Variants in FAF1 observed in about 807,000 individuals in gnomAD.
FAF1 encodes the protein Fas associated factor 1, also known as FAS-associated factor 1.
A neutral mutation model predicts 92.5 loss-of-function variants in FAF1; 25 were observed. The ratio of observed to expected loss-of-function variants is 0.27; its 90% CI spans 0.20 to 0.38. FAF1 has a LOEUF of 0.38. Among genes scored for constraint, FAF1 ranks in the 10% least tolerant of loss-of-function variants. The probability of loss-of-function intolerance (pLI) is 1.00; values close to 1 mark genes in which losing one functional copy is unlikely to be tolerated. For synonymous variants in FAF1, 234 were observed against 273.2 expected (o/e 0.86, Z 1.42); for missense variants, 636 against 793.3 (o/e 0.80, Z 2.38).
intron 13 of FAF1, among the ~76,000 whole-genome samples, chr1:50,556,686 A>C (rs1180817872): frequency 1.3e-5 from 2 of 151,792 alleles, no homozygotes; most frequent in African/African-American, 2.4e-5. Flanking sequence ...AAGATACAAA[A>C]ATTAGCTGGA....
rs772614423 is a variant in FAF1, at chr1:50,475,647, A to T, written c.1686T>A (p.Pro562=). Residue 562 remains proline, a synonymous_variant, in exon 18 of 19, where the codon CCT becomes CCA. Transcript: ENST00000396153. ...AIRLSLEQAL[P]PEPKEENAEP... Reference sequence around the variant, plus strand: ...CAGCATTTTCTTCCTTTGGCTCAGGAGGCAGGGCTTGCTCTAAGGACAGCC... The same window carrying T: ...CAGCATTTTCTTCCTTTGGCTCAGGTGGCAGGGCTTGCTCTAAGGACAGCC... 3 of 1,613,994 alleles carry T rather than the reference A, an allele frequency of 1.9e-6. No individual in the cohort carries two copies. The highest frequency in any genetic ancestry group is 2.5e-6 in the Non-Finnish European group (3 of 1,179,940).
intron 1 of FAF1, among the ~76,000 whole-genome samples, chr1:50,906,232 G>A (rs1453945825): frequency 6.6e-6 from 1 of 152,110 alleles, no homozygotes; most frequent in Non-Finnish European, 1.5e-5. Context: ...TATTCCATTG[G>A]TCTACATCTC....
intron 4 of FAF1, among the ~76,000 whole-genome samples, chr1:50,787,511 A>C (rs1161804719): frequency 6.6e-6 from 1 of 152,230 alleles, no homozygotes; most frequent in Non-Finnish European, 1.5e-5. Context: ...TATTGTAAAC[A>C]GTGAGCAGCC....
At chr1:50,813,156 C>T (rs1643932901) in intron 2 of FAF1, among the ~76,000 whole-genome samples, 1 of 151,934 alleles carries the variant, frequency 6.6e-6, no homozygotes, top group Non-Finnish European at 1.5e-5. Flanking sequence ...CTCCACACCT[C>T]TGTGACACAC....
chr1:50,773,999 G>A (rs1280633657), intron 4 of FAF1, among the ~76,000 whole-genome samples: 5 of 152,082 alleles, frequency 3.3e-5, no homozygotes, highest in African/African-American at 7.2e-5. Context: ...TATTTCTAAC[G>A]CATAAATAAA....
intron 15 of FAF1, among the ~76,000 whole-genome samples, chr1:50,494,465 G>A (rs1010371415): frequency 6.6e-6 from 1 of 152,212 alleles, no homozygotes; most frequent in Non-Finnish European, 1.5e-5. Flanking sequence ...TCGATTGGGT[G>A]GAGGTAGAAC....
intron 6 of FAF1, among the ~76,000 whole-genome samples, chr1:50,725,361 C>A (rs1233579475): frequency 6.6e-6 from 1 of 152,168 alleles, no homozygotes; most frequent in African/African-American, 2.4e-5. Flanking sequence ...ACAGCACCCA[C>A]TGGAAAATAT....
At position 50,818,792 on chromosome 1, in the gene FAF1, G is replaced by A. The variant is rs892787517; in HGVS notation, c.115-17115C>T. ...GCAGAGCTTGCAGTGAGCTGAGATC[G>A]CGCCACTGCACTCCAGCCTGGGCGA... On this transcript the variant is annotated intron_variant, in intron 2 of 18. Transcript: ENST00000396153. Among the ~76,000 whole-genome samples the A allele has an allele frequency of 4.0e-5, 6 of 151,742 alleles. No homozygotes were observed. In the South Asian group the frequency reaches 1.0e-3, roughly 26 times the overall value.
intron 7 of FAF1, among the ~76,000 whole-genome samples, chr1:50,665,786 C>G (rs1655590181): frequency 6.6e-6 from 1 of 152,112 alleles, no homozygotes; most frequent in Non-Finnish European, 1.5e-5. Flanking sequence ...GTTACGTGAT[C>G]TTTTTAAAAA....
chr1:50,671,732 ATTTT>A (rs377442041), intron 7 of FAF1, among the ~76,000 whole-genome samples: 2,031 of 143,194 alleles, frequency 0.014, 24 homozygotes, highest in Middle Eastern at 0.022. Flanking sequence ...GAACATTTTA[ATTTT>A]TTTTTTTTTT....
intron 15 of FAF1, among the ~76,000 whole-genome samples, 155 bp from the exon 16 acceptor site, chr1:50,491,956 CAAT>C (rs1331500615): frequency 6.6e-6 from 1 of 151,786 alleles, no homozygotes; most frequent in African/African-American, 2.4e-5. Context: ...AGCAAACAAA[CAAT>C]AAGATGAGCA....
chr1:50,803,014 C>T (rs1342787717), intron 2 of FAF1, among the ~76,000 whole-genome samples: 1 of 152,062 alleles, frequency 6.6e-6, no homozygotes, highest in Non-Finnish European at 1.5e-5. Flanking sequence ...AAAAATAAAA[C>T]AAATCCATAG....
chr1:50,711,845 T>G (rs1050784758), intron 6 of FAF1, among the ~76,000 whole-genome samples: 1 of 152,188 alleles, frequency 6.6e-6, no homozygotes, highest in African/African-American at 2.4e-5. Context: ...TTTGGAGAAG[T>G]CAGATAAGGG....
At chr1:50,522,731 CTATATTA>C (rs1272014392) in intron 15 of FAF1, among the ~76,000 whole-genome samples, 1 of 152,112 alleles carries the variant, frequency 6.6e-6, no homozygotes, top group African/African-American at 2.4e-5. Flanking sequence ...GAATTGAAAA[CTATATTA>C]TTTGTGCTCT....
chr1:50,583,339 G>A lies in FAF1; in HGVS notation c.1031+313C>T. Among the ~76,000 whole-genome samples, 1 of 151,688 alleles carries A rather than the reference G, an allele frequency of 6.6e-6. No individual in the cohort carries two copies. The highest frequency in any genetic ancestry group is 1.9e-4 in the East Asian group (1 of 5,200). On this transcript the variant is annotated intron_variant, in intron 11 of 18. Coordinates refer to ENST00000396153, the MANE Select transcript of FAF1 (RefSeq NM_007051.3). This position sits in a 1 kb window ranked among gnomAD's most constrained non-coding sequence, Gnocchi z 4.2. ...TATTATTTTAAAGGATTTTCCATTT[G>A]ACTGTCCTAAGATATACTAAAAATT...
intron 4 of FAF1, among the ~76,000 whole-genome samples, chr1:50,772,037 A>C (rs894418647): frequency 5.3e-5 from 8 of 152,222 alleles, no homozygotes; most frequent in Non-Finnish European, 1.0e-4. Flanking sequence ...GAAATACAGA[A>C]AAAGATTACG....
At chr1:50,686,267 G>A (rs1656651384) in intron 7 of FAF1, among the ~76,000 whole-genome samples, 1 of 152,158 alleles carries the variant, frequency 6.6e-6, no homozygotes, top group Non-Finnish European at 1.5e-5. Context: ...CAGAAGCTGG[G>A]CCCGGTGGCT....
intron 1 of FAF1, among the ~76,000 whole-genome samples, chr1:50,867,893 C>G (rs1644495521): frequency 6.6e-6 from 1 of 152,120 alleles, no homozygotes; most frequent in Non-Finnish European, 1.5e-5. Context: ...TTTATAGCAG[C>G]ACAATTTGCA....
chr1:50,634,890 G>C (rs1342147923), intron 8 of FAF1, among the ~76,000 whole-genome samples: 1 of 152,090 alleles, frequency 6.6e-6, no homozygotes, highest in Non-Finnish European at 1.5e-5. Flanking sequence ...GGCAGAAAAG[G>C]GTGGTTTCAA....
Sources: gnomAD v4.1 joint callset for allele counts (sites outside exome capture counted in the v4.1 genomes callset) on GRCh38, gnomAD v4.1.1 for gene constraint, Gnocchi (gnomAD v3.1) non-coding constraint, MANE v1.5 for transcripts, NCBI Gene and HGNC (gene_info 2026-07-23, HGNC 2026-07-21) for gene names.